CANX: variants seen among roughly 807,000 people sequenced by gnomAD.
CANX encodes the protein epididymis secretory sperm binding protein.
In CANX, 14 loss-of-function variants were observed where a neutral mutation model predicts 75.7. The ratio of observed to expected loss-of-function variants is 0.19; its 90% confidence interval spans 0.12 to 0.29. The LOEUF is 0.29. Ranked by LOEUF, CANX falls within the 10% of genes least tolerant of loss-of-function variation. CANX has a pLI of 1.00. For missense variants in CANX, 567 were observed against 713.2 expected (o/e 0.79, Z 2.34); for synonymous variants, 227 against 236.9 (o/e 0.96, Z 0.38).
At chr5:179,679,758 C>T (rs1776008640) in intron 1 of CANX, among the ~76,000 whole-genome samples, 1 of 151,906 alleles carries the variant, frequency 6.6e-6, no homozygotes, top group Admixed American at 6.6e-5. Flanking sequence ...TCCCGGGTTC[C>T]AGCAGTTCTC....
At chr5:179,728,520 C>A (rs1404350310) in intron 14 of CANX, 71 bp from the exon 15 acceptor site, 3 of 944,968 alleles carry the variant, frequency 3.2e-6, no homozygotes, top group African/African-American at 3.3e-5. Context: ...TCTGGCTGAT[C>A]TTGAAAATAT....
chr5:179,683,413 G>A (rs1251560483), intron 1 of CANX, among the ~76,000 whole-genome samples: 2 of 152,090 alleles, frequency 1.3e-5, no homozygotes, highest in Non-Finnish European at 2.9e-5. Context: ...GATTACAGGT[G>A]TGAGCCACCG....
At chr5:179,710,898 C>A (rs1332731372) in intron 7 of CANX, among the ~76,000 whole-genome samples, 2 of 150,018 alleles carry the variant, frequency 1.3e-5, no homozygotes, top group Non-Finnish European at 3.0e-5. Context: ...ACTAAAAATA[C>A]AAAAATTAGC....
At chr5:179,723,590 A>G in intron 11 of CANX, 70 bp from the exon 12 acceptor site, 1 of 1,559,374 alleles carries the variant, frequency 6.4e-7, no homozygotes. Flanking sequence ...ACTGAACTGC[A>G]GAAAAACAGC....
chr5:179,718,959 C>T (rs1441033093), intron 8 of CANX, among the ~76,000 whole-genome samples: 1 of 151,570 alleles, frequency 6.6e-6, no homozygotes, highest in Non-Finnish European at 1.5e-5. Flanking sequence ...GCCACCGCAC[C>T]TGGCCTTGTG....
At chr5:179,684,407 TC>T (rs1330386948) in intron 1 of CANX, among the ~76,000 whole-genome samples, 5 of 150,320 alleles carry the variant, frequency 3.3e-5, no homozygotes, top group African/African-American at 1.2e-4. Context: ...TTTTTTTTTT[TC>T]AGCTCACTGC....
At chr5:179,682,945 G>A (rs1312761048) in intron 1 of CANX, among the ~76,000 whole-genome samples, 1 of 152,126 alleles carries the variant, frequency 6.6e-6, no homozygotes, top group African/African-American at 2.4e-5. Flanking sequence ...CACGTGCCAC[G>A]TGTGCGGACA....
upstream of CANX, chr5:179,694,629 AAGG>A (rs1214203864): frequency 4.5e-6 from 4 of 894,934 alleles, no homozygotes; most frequent in Non-Finnish European, 3.7e-6. Flanking sequence ...GGCAAAGCTG[AAGG>A]AGAAGTACGA....
intron 7 of CANX, among the ~76,000 whole-genome samples, chr5:179,713,832 C>G (rs558868836): frequency 6.6e-6 from 1 of 152,106 alleles, no homozygotes; most frequent in East Asian, 1.9e-4. Flanking sequence ...AAAAGGATCC[C>G]TTGAGTCCAG....
Position 179,728,639 on chromosome 5 carries a change from G to C in CANX, c.1774G>C (p.Glu592Gln). 6.2e-7 allele frequency: 1 copy of C among 1,607,388 alleles called. No homozygotes were observed. Among genetic ancestry groups the C allele is most frequent in the Non-Finnish European group, 8.5e-7 (1 of 1,173,942 alleles). ...ACCAAGAAACAGAAAGCCACGAAGA[G>C]AGTGAAACAATCTTAAGAGCTTGAT... is the stretch of plus-strand genomic sequence containing the variant. ...RSPRNRKPRR[E>Q] The change falls in exon 15 of 15, where the codon GAG (glutamate) becomes CAG (glutamine). Residue 592 changes from glutamate (E) to glutamine (Q), a missense_variant. Physicochemically the swap from Glu to Gln is conservative, Grantham distance 29. Coordinates refer to ENST00000247461, the MANE Select transcript of CANX (RefSeq NM_001746.4).
chr5:179,698,858 G>A (rs1776517348), upstream of CANX: 2 of 1,047,350 alleles, frequency 1.9e-6, no homozygotes, highest in Non-Finnish European at 2.4e-6. Flanking sequence ...CGGCCAACCG[G>A]ATGTCGGGGC....
rs61478624 is a variant in CANX, at chr5:179,720,768, C to CTTTATTTATTTA, written c.1182+228_1182+239dup. Among the ~76,000 whole-genome samples the CTTTATTTATTTA allele has an allele frequency of 2.0e-4, 30 of 151,576 alleles. 1 individual carries two copies. Among genetic ancestry groups the CTTTATTTATTTA allele is most frequent in the Admixed American group, 1.2e-3 (19 of 15,212 alleles). ...AACTGGAGTGAATAACTTTCTTTAA[C>CTTTATTTATTTA]TTTATTTATTTATTTATTTATTTAT... On this transcript the variant is annotated intron_variant, in intron 10 of 14. Transcript: ENST00000247461.
chr5:179,698,888 T>TTG, upstream of CANX: 1 of 1,149,550 alleles, frequency 8.7e-7, no homozygotes, highest in East Asian at 7.4e-5. Context: ...AGGGCGGGAC[T>TTG]TGGCGCCGGC....
intron 4 of CANX, among the ~76,000 whole-genome samples, chr5:179,707,744 G>A: frequency 6.7e-6 from 1 of 149,782 alleles, no homozygotes; most frequent in East Asian, 2.0e-4. Flanking sequence ...GCTACTGAAT[G>A]TTGGAAATTT....
intron 1 of CANX, chr5:179,678,844 G>A (rs1004967563): frequency 5.3e-5 from 81 of 1,536,736 alleles, no homozygotes; most frequent in Non-Finnish European, 6.5e-5. Flanking sequence ...AGCCCCAGGC[G>A]GTCCGCGAGA....
At chr5:179,715,099 A>G (rs1365538138) in intron 7 of CANX, among the ~76,000 whole-genome samples, 10 of 152,144 alleles carry the variant, frequency 6.6e-5, no homozygotes, top group African/African-American at 2.4e-4. Flanking sequence ...TCTTCCTCAC[A>G]GAAATATTCA....
chr5:179,702,593 T>C (rs1776846279), intron 1 of CANX, among the ~76,000 whole-genome samples: 1 of 152,172 alleles, frequency 6.6e-6, no homozygotes, highest in Non-Finnish European at 1.5e-5. Flanking sequence ...CATTCATCCA[T>C]TGATGGACAC....
intron 13 of CANX, 114 bp downstream of exon 13, chr5:179,724,897 A>G (rs1391163916): frequency 1.4e-6 from 2 of 1,385,760 alleles, no homozygotes; most frequent in Admixed American, 2.7e-5. Flanking sequence ...CAAGCCTGTA[A>G]TCCTAGCACT....
intron 5 of CANX, among the ~76,000 whole-genome samples, chr5:179,708,714 G>T (rs1777324069): frequency 6.6e-6 from 1 of 152,050 alleles, no homozygotes; most frequent in Non-Finnish European, 1.5e-5. Context: ...AAAGAAACTG[G>T]TTACTCATTT....
Sources: allele counts gnomAD v4.1 joint callset (sites outside exome capture counted in the v4.1 genomes callset), GRCh38; gene constraint gnomAD v4.1.1; transcripts MANE v1.5; gene names NCBI Gene and HGNC (gene_info 2026-07-23, HGNC 2026-07-21).